BLTP1: variants seen among roughly 807,000 people sequenced by gnomAD.
The protein encoded by BLTP1 is bridge-like lipid transfer protein family member 1.
At chr4:122,213,463 TTTC>T in the BLTP1 span, among the ~76,000 whole-genome samples, 4 of 152,138 alleles carry the variant, frequency 2.6e-5, no homozygotes, top group African/African-American at 9.6e-5. Context: ...TATATGAAAT[TTTC>T]TTGTTCATGT....
At chr4:122,167,715 A>G in the BLTP1 span, 2 of 985,166 alleles carry the variant, frequency 2.0e-6, no homozygotes, top group Non-Finnish European at 2.4e-6. Flanking sequence ...CCGTCATGCC[A>G]TTGGATACTT....
chr4:122,200,103 A>G, the BLTP1 span: 4 of 918,536 alleles, frequency 4.4e-6, no homozygotes, highest in Non-Finnish European at 5.2e-6. Context: ...TGTCTTAAAC[A>G]TTTTACATAT....
the BLTP1 span, among the ~76,000 whole-genome samples, chr4:122,163,258 T>C: frequency 6.6e-6 from 1 of 152,204 alleles, no homozygotes; most frequent in African/African-American, 2.4e-5. Context: ...AAGGGCATTA[T>C]TCTGGCTGTT....
the BLTP1 span, among the ~76,000 whole-genome samples, chr4:122,228,105 G>A: frequency 1.3e-5 from 2 of 152,050 alleles, no homozygotes; most frequent in East Asian, 1.9e-4. Flanking sequence ...AGTAGAGATA[G>A]GGTTTCACTG....
At chr4:122,220,370 T>G in the BLTP1 span, 3 of 1,613,628 alleles carry the variant, frequency 1.9e-6, no homozygotes, top group Non-Finnish European at 2.5e-6. Flanking sequence ...CCTACAGCTT[T>G]CTTGGAAAGA....
At chr4:122,243,158 T>C in the BLTP1 span, 3 of 1,269,488 alleles carry the variant, frequency 2.4e-6, no homozygotes, top group African/African-American at 3.0e-5. Flanking sequence ...TTTATTTGAG[T>C]ATGAACTTTA....
the BLTP1 span, chr4:122,301,352 A>C: frequency 1.2e-6 from 2 of 1,603,292 alleles, no homozygotes; most frequent in Non-Finnish European, 1.7e-6. Flanking sequence ...CAGCAGATGG[A>C]GATAAACCTA....
At chr4:122,161,606 T>C in the BLTP1 span, among the ~76,000 whole-genome samples, 2 of 151,900 alleles carry the variant, frequency 1.3e-5, no homozygotes, top group Non-Finnish European at 2.9e-5. Flanking sequence ...AATTTTTGTA[T>C]TTTTTTGTAG....
the BLTP1 span, among the ~76,000 whole-genome samples, chr4:122,361,212 T>G: frequency 6.6e-6 from 1 of 152,146 alleles, no homozygotes; most frequent in African/African-American, 2.4e-5. Flanking sequence ...TGGGAGAGAT[T>G]AATATGGATA....
At chr4:122,156,067 G>C in the BLTP1 span, 1 of 581,914 alleles carries the variant, frequency 1.7e-6, no homozygotes, top group Non-Finnish European at 2.2e-6. Context: ...GCCATTTACT[G>C]AGGTAGGAAG....
chr4:122,232,208 C>G, the BLTP1 span: 1 of 719,644 alleles, frequency 1.4e-6, no homozygotes. Context: ...GTTACAATTT[C>G]ATGGATGCTG....
At chr4:122,194,736 T>G in the BLTP1 span, 11 of 797,230 alleles carry the variant, frequency 1.4e-5, no homozygotes, top group Non-Finnish European at 1.7e-5. Flanking sequence ...TATGTATTTT[T>G]CATAAATTTT....
the BLTP1 span, chr4:122,339,392 CA>C: frequency 6.2e-7 from 1 of 1,611,428 alleles, no homozygotes; most frequent in Non-Finnish European, 8.5e-7. Context: ...CTTCTGCTAG[CA>C]AAACTGGAAT....
chr4:122,347,892 G>C, the BLTP1 span: 1 of 552,376 alleles, frequency 1.8e-6, no homozygotes, highest in Non-Finnish European at 2.8e-6. Context: ...AGGTTTTTAT[G>C]ACACGTCAAA....
the BLTP1 span, chr4:122,239,644 C>G: frequency 6.2e-7 from 1 of 1,614,130 alleles, no homozygotes; most frequent in South Asian, 1.1e-5. Flanking sequence ...CTTGGAAGTA[C>G]TAAGAGTCTT....
the BLTP1 span, among the ~76,000 whole-genome samples, chr4:122,330,620 C>G: frequency 6.6e-6 from 1 of 151,814 alleles, no homozygotes; most frequent in African/African-American, 2.4e-5. Flanking sequence ...GAATTACTCC[C>G]TTGTCAGATA....
At chr4:122,165,198 T>C in the BLTP1 span, among the ~76,000 whole-genome samples, 2 of 151,996 alleles carry the variant, frequency 1.3e-5, no homozygotes, top group South Asian at 2.1e-4. Context: ...ATTAGGTATA[T>C]CTCCTAATGC....
At chr4:122,323,408 T>A in the BLTP1 span, among the ~76,000 whole-genome samples, 3 of 151,730 alleles carry the variant, frequency 2.0e-5, no homozygotes, top group African/African-American at 4.8e-5. Context: ...AAGTAATTGG[T>A]TTTAAAATTT....
chr4:122,352,984 C>A, the BLTP1 span: 1 of 1,613,996 alleles, frequency 6.2e-7, no homozygotes, highest in Non-Finnish European at 8.5e-7. Context: ...ATTTCAGATT[C>A]CATTACCAGA....
Sources: gnomAD v4.1 joint callset for allele counts (sites outside exome capture counted in the v4.1 genomes callset) on GRCh38, gnomAD v4.1.1 for gene constraint, MANE v1.5 for transcripts, NCBI Gene and HGNC (gene_info 2026-07-23, HGNC 2026-07-21) for gene names.